The following DIP2C variants were observed in gnomAD, a reference collection of about 807,000 sequenced individuals.
DIP2C encodes the protein disco-interacting protein 2 homolog C.
DIP2C carries 33 observed loss-of-function variants against 192.4 expected under a neutral mutation model. That is an observed-to-expected ratio of 0.17 (90% confidence interval 0.13 to 0.23). The LOEUF is 0.23. Among genes scored for constraint, DIP2C ranks in the 10% least tolerant of loss-of-function variants. DIP2C has a pLI of 1.00. For synonymous variants in DIP2C, 979 were observed against 864.1 expected (o/e 1.13, Z -2.33); for missense variants, 1,537 against 2,110.1 (o/e 0.73, Z 5.32).
At chr10:491,970 GA>G (rs972847905) in intron 1 of DIP2C, among the ~76,000 whole-genome samples, 2 of 151,978 alleles carry the variant, frequency 1.3e-5, no homozygotes, top group Non-Finnish European at 2.9e-5. Flanking sequence ...GGGCTAGGAG[GA>G]ATCTCAAAAT....
At chr10:524,966 T>TAAAAAAAAAAAAAA (rs1564818283) in intron 1 of DIP2C, among the ~76,000 whole-genome samples, 1 of 26,746 alleles carries the variant, frequency 3.7e-5, no homozygotes, top group African/African-American at 4.4e-4. Context: ...AATCACAATT[T>TAAAAAAAAAAAAAA]CAAAAAAAAA....
chr10:556,917 T>TGCA (rs1848909601), intron 1 of DIP2C, among the ~76,000 whole-genome samples: 1 of 146,446 alleles, frequency 6.8e-6, no homozygotes, highest in Non-Finnish European at 1.5e-5. Context: ...CAAACCTACA[T>TGCA]GCACTCTCTC....
At chr10:457,190 G>C (rs772092132) in intron 3 of DIP2C, among the ~76,000 whole-genome samples, 6 of 152,120 alleles carry the variant, frequency 3.9e-5, no homozygotes, top group Non-Finnish European at 8.8e-5. Context: ...TTAGGTGCTG[G>C]ACTGGAAGCT....
At chr10:361,017 G>A (rs187089732) in intron 22 of DIP2C, among the ~76,000 whole-genome samples, 3 of 152,122 alleles carry the variant, frequency 2.0e-5, no homozygotes, top group African/African-American at 4.8e-5. Context: ...CTGGGGCCCC[G>A]GGGCAGGGGA....
At chr10:344,782 G>C (rs1564588061) in intron 28 of DIP2C, 27 bp downstream of exon 28, 2 of 1,557,664 alleles carry the variant, frequency 1.3e-6, no homozygotes, top group Admixed American at 3.9e-5. Flanking sequence ...TGCCTCCATG[G>C]CCACCGCCCG....
At chr10:624,190 T>C (rs763907704) in intron 1 of DIP2C, among the ~76,000 whole-genome samples, 4 of 152,128 alleles carry the variant, frequency 2.6e-5, no homozygotes, top group Admixed American at 1.3e-4. Flanking sequence ...GTTATCTCGG[T>C]CCCAGGGTCC....
intron 4 of DIP2C, among the ~76,000 whole-genome samples, chr10:438,156 C>G (rs1967422035): frequency 6.6e-6 from 1 of 152,158 alleles, no homozygotes; most frequent in Admixed American, 6.5e-5. Flanking sequence ...TTCAAATATT[C>G]TTTTGCATTT....
At chr10:417,638 ATAGGCCTCCCTGTCC>A (rs1564684482) in intron 6 of DIP2C, among the ~76,000 whole-genome samples, 2 of 16,558 alleles carry the variant, frequency 1.2e-4, no homozygotes, top group Admixed American at 7.7e-4. Flanking sequence ...CAGGGCTCGG[ATAGGCCTCCCTGTCC>A]ACCTGTTCCT....
At chr10:535,230 C>T (rs981982796) in intron 1 of DIP2C, among the ~76,000 whole-genome samples, 10 of 152,028 alleles carry the variant, frequency 6.6e-5, no homozygotes, top group Non-Finnish European at 1.2e-4. Context: ...CAGCCCTAGG[C>T]GTGGGCTGAG....
intron 25 of DIP2C, 52 bp downstream of exon 25, chr10:349,279 C>T (rs1405985136): frequency 1.3e-5 from 20 of 1,578,380 alleles, no homozygotes; most frequent in East Asian, 2.3e-5. Flanking sequence ...CTCCTCGCAC[C>T]GCGGCTGACC....
chr10:518,844 C>T (rs1272129787), intron 1 of DIP2C, among the ~76,000 whole-genome samples: 2 of 152,216 alleles, frequency 1.3e-5, no homozygotes, highest in African/African-American at 4.8e-5. Flanking sequence ...CACCACAGAT[C>T]CCACCTCCAG....
At chr10:673,862 A>C (rs1403219229) in intron 1 of DIP2C, among the ~76,000 whole-genome samples, 1 of 152,216 alleles carries the variant, frequency 6.6e-6, no homozygotes, top group East Asian at 1.9e-4. Flanking sequence ...AAAATGAGGC[A>C]TGAAAGGAAA....
intron 32 of DIP2C, among the ~76,000 whole-genome samples, chr10:309,636 G>A (rs1956487031): frequency 6.7e-6 from 1 of 149,828 alleles, no homozygotes; most frequent in South Asian, 2.1e-4. Context: ...TCAGCTCACT[G>A]TAACCTCTGC....
chr10:418,996 T>C, intron 6 of DIP2C, 69 bp downstream of exon 6: 3 of 1,599,966 alleles, frequency 1.9e-6, no homozygotes, highest in Non-Finnish European at 2.6e-6. Flanking sequence ...CATCCAGTCA[T>C]GGGCACGGAA....
intron 17 of DIP2C, among the ~76,000 whole-genome samples, chr10:373,784 G>C (rs1348195794): frequency 1.3e-5 from 2 of 152,044 alleles, no homozygotes; most frequent in Admixed American, 6.6e-5. Context: ...AGCAGAATAT[G>C]TTCCACATGC....
At chr10:369,779 G>A in intron 17 of DIP2C, 146 bp from the exon 18 acceptor site, 1 of 1,424,630 alleles carries the variant, frequency 7.0e-7, no homozygotes, top group South Asian at 1.2e-5. Context: ...CCATGTGGCT[G>A]CATTAGGGGA....
intron 1 of DIP2C, among the ~76,000 whole-genome samples, chr10:535,286 G>C (rs968477275): frequency 6.6e-6 from 1 of 151,966 alleles, no homozygotes; most frequent in Non-Finnish European, 1.5e-5. Context: ...GGCCAGGGGT[G>C]GGGAGAGGAG....
intron 18 of DIP2C, among the ~76,000 whole-genome samples, chr10:367,245 G>T (rs529934163): frequency 6.6e-6 from 1 of 152,000 alleles, no homozygotes; most frequent in Non-Finnish European, 1.5e-5. Context: ...GTGAAACCCC[G>T]TCTCTACTAA....
rs529860829 is a variant in DIP2C at position 363,554 on chromosome 10, C to T, written c.2478-243G>A. Among the ~76,000 whole-genome samples the T allele has an allele frequency of 1.1e-4, 16 of 152,332 alleles. No homozygotes were observed. The highest frequency in any genetic ancestry group is 5.2e-4 in the Admixed American group (8 of 15,310). The stretch of plus-strand genomic sequence containing the variant: ...CCACGGAGGCCACACACAGCACCCG[C>T]GGGCTCTGGTGACCAGGTTGCGCCT... On this transcript the variant is annotated intron_variant, in intron 20 of 36. Coordinates refer to ENST00000280886, the MANE Select transcript of DIP2C (RefSeq NM_014974.3). This position sits in a 1 kb window ranked among gnomAD's most constrained non-coding sequence, Gnocchi z 5.4.
Sources: allele counts gnomAD v4.1 joint callset (sites outside exome capture counted in the v4.1 genomes callset), GRCh38; gene constraint gnomAD v4.1.1; non-coding constraint Gnocchi (gnomAD v3.1); transcripts MANE v1.5; gene names NCBI Gene and HGNC (gene_info 2026-07-23, HGNC 2026-07-21).